The following CD74 variants were observed in gnomAD, a reference collection of about 807,000 sequenced individuals.
CD74 encodes the protein HLA class II histocompatibility antigen gamma chain.
In CD74, 20 loss-of-function variants were observed where a neutral mutation model predicts 37.1. That is an observed-to-expected ratio of 0.54 (90% CI 0.38 to 0.78). The LOEUF is 0.78. Among genes scored for constraint, CD74 ranks in the 30% least tolerant of loss-of-function variants. CD74 has a pLI of 0.00. For missense variants in CD74, 338 were observed against 389.5 expected (o/e 0.87, Z 1.11); for synonymous variants, 150 against 152.0 (o/e 0.99, Z 0.10).
intron 4 of CD74, 130 bp downstream of exon 4, chr5:150,406,129 C>T (rs976570510): frequency 1.3e-6 from 1 of 752,176 alleles, no homozygotes; most frequent in African/African-American, 1.7e-5. Context: ...AAGGGTCACC[C>T]TTGTATTCAG....
chr5:150,404,972 C>A (rs769518474), intron 5 of CD74, 113 bp downstream of exon 5: 49 of 1,067,614 alleles, frequency 4.6e-5, no homozygotes, highest in Non-Finnish European at 6.7e-5. Flanking sequence ...TGCTGGTAAA[C>A]CCCTTCAGCT....
rs1220573274 is a variant in CD74 at position 150,402,093 on chromosome 5, G to C, written c.*147C>G. On this transcript the variant is annotated 3_prime_UTR_variant, in exon 9 of 9. Transcript: ENST00000009530. This position sits in a 1 kb window ranked among gnomAD's most constrained non-coding sequence, Gnocchi z 4.2. ...CTGCTGTTCCGACTTGGTTTGTCTT[G>C]TCCAAGGGTGACGAAAGAGCCAGGC... The C allele has an allele frequency of 1.3e-6, 2 of 1,544,020 alleles. No homozygotes were observed. Among genetic ancestry groups the C allele is most frequent in the Non-Finnish European group, 1.7e-6 (2 of 1,146,588 alleles).
At position 150,407,078 on chromosome 5, in the gene CD74, G is replaced by T; in HGVS notation, c.298+74C>A. On this transcript the variant is annotated intron_variant, in intron 2 of 8. Transcript: ENST00000009530. This position sits in a 1 kb window ranked among gnomAD's most constrained non-coding sequence, Gnocchi z 4.4. ...AGGGAGAGGACAGTGGGCCCAGCTG[G>T]GTGCAGGGATGCGGGTCTCTGAGTT... 6.4e-7 allele frequency: 1 copy of T among 1,554,568 alleles called. No individual in the cohort carries two copies. The highest frequency in any genetic ancestry group is 1.1e-5 in the South Asian group (1 of 88,092).
Position 150,405,134 on chromosome 5 carries a change from G to A in CD74, c.488C>T (p.Pro163Leu), listed in dbSNP as rs747106881. 58 of 1,610,970 alleles carry A rather than the reference G, an allele frequency of 3.6e-5. 1 individual carries two copies. In the South Asian group the frequency reaches 4.7e-4, roughly 13 times the overall value. ...GTTCTTAAGGTGTCTCAGGTTCTCC[G>A]GGAAGCTCCCCTTCAGTGGCGGGTA... ...KVYPPLKGSF[P>L]ENLRHLKNTM... Residue 163 changes from proline (P) to leucine (L), a missense_variant, in exon 5 of 9, where the codon CCG becomes CTG. Physicochemically the swap from Pro to Leu is moderately conservative, Grantham distance 98 (BLOSUM62 -3). Coordinates refer to ENST00000009530, the MANE Select transcript of CD74 (RefSeq NM_001025159.3).
At chr5:150,404,942 C>T in intron 5 of CD74, 143 bp downstream of exon 5, 2 of 878,874 alleles carry the variant, frequency 2.3e-6, no homozygotes, top group Non-Finnish European at 3.6e-6. Context: ...ACATACTCTG[C>T]AGCATCCAGG....
At position 150,407,393 on chromosome 5, in the gene CD74, A is replaced by G; in HGVS notation, c.126-69T>C. The stretch of plus-strand genomic sequence containing the variant: ...GTGGCTGCCCCAAGGGCTGGCTAGG[A>G]ATGGGGAAATGTATACCCCCATCTC... On this transcript the variant is annotated intron_variant, in intron 1 of 8. Coordinates refer to ENST00000009530, the MANE Select transcript of CD74 (RefSeq NM_001025159.3). This position sits in a 1 kb window ranked among gnomAD's most constrained non-coding sequence, Gnocchi z 4.4. The G allele has an allele frequency of 7.6e-7, 1 of 1,322,298 alleles. No individual in the cohort carries two copies. The highest frequency in any genetic ancestry group is 1.0e-6 in the Non-Finnish European group (1 of 957,994). The allele number at this position is 1,322,298 out of a possible 1,614,324, so 81.9% of individuals were successfully genotyped here.
rs545391467 is a variant in CD74 at position 150,402,438 on chromosome 5, G to T, written c.880+125C>A. ...CCCCCAACCCTGTTCCTTCGTCTGTGAAATGGACATCCCAGGAATGTTGGA... is the reference window on the plus strand; with the variant it reads ...CCCCCAACCCTGTTCCTTCGTCTGTTAAATGGACATCCCAGGAATGTTGGA... On this transcript the variant is annotated intron_variant, in intron 8 of 8. Transcript: ENST00000009530. This position sits in a 1 kb window ranked among gnomAD's most constrained non-coding sequence, Gnocchi z 4.2. The T allele has an allele frequency of 1.0e-6, 1 of 967,472 alleles. No homozygotes were observed. Among genetic ancestry groups the T allele is most frequent in the South Asian group, 1.3e-5 (1 of 76,012 alleles). 59.9% of individuals were successfully genotyped at this position (967,472 alleles called of 1,614,324 possible).
chr5:150,403,047 A>C lies in CD74; in HGVS notation c.817+74T>G. The stretch of plus-strand genomic sequence containing the variant: ...TGGGTGTCCTGGTCCCATGTGCTTC[A>C]GAGGGGACCTCTTGCCCCTCAACCT... On this transcript the variant is annotated intron_variant, in intron 7 of 8. Transcript: ENST00000009530. The surrounding 1 kb of genome is among the most constrained non-coding windows in gnomAD (Gnocchi z 4.5). 1.5e-6 allele frequency: 2 copies of C among 1,332,554 alleles called. No homozygotes were observed. Among genetic ancestry groups the C allele is most frequent in the Non-Finnish European group, 2.1e-6 (2 of 959,650 alleles). 82.5% of individuals were successfully genotyped at this position (1,332,554 alleles called of 1,614,324 possible).
Position 150,407,308 on chromosome 5 carries a change from C to T in CD74, c.142G>A (p.Ala48Thr). 6.2e-7 allele frequency: 1 copy of T among 1,609,158 alleles called. No homozygotes were observed. Among genetic ancestry groups the T allele is most frequent in the Non-Finnish European group, 8.5e-7 (1 of 1,178,072 alleles). ...GAPESKCSRG[A>T]LYTGFSILVT... ...AGGATGGAAAAGCCTGTGTACAGGG[C>T]TCCGCGGCTGCACTTGCTGTGGGAG... Residue 48 changes from alanine (A) to threonine (T), a missense_variant, in exon 2 of 9, where the codon GCC (alanine) becomes ACC (threonine). Ala to Thr is a moderately conservative substitution (Grantham distance 58). Coordinates refer to ENST00000009530, the MANE Select transcript of CD74 (RefSeq NM_001025159.3). The surrounding 1 kb of genome is among the most constrained non-coding windows in gnomAD (Gnocchi z 4.4).
In CD74 at chr5:150,403,015, G is replaced by A. The variant is rs1769731204; in HGVS notation, c.817+106C>T. ...GACTACGTCACTGCCCCCAGGAGCT[G>A]CCATCCTGGGTGTCCTGGTCCCATG... On this transcript the variant is annotated intron_variant, in intron 7 of 8. Transcript: ENST00000009530. This position sits in a 1 kb window ranked among gnomAD's most constrained non-coding sequence, Gnocchi z 4.5. 6 of 922,636 alleles carry A rather than the reference G, an allele frequency of 6.5e-6. No homozygotes were observed. The highest frequency in any genetic ancestry group is 9.9e-6 in the Non-Finnish European group (6 of 605,694). 57.2% of individuals were successfully genotyped at this position (922,636 alleles called of 1,614,324 possible).
At position 150,403,624 on chromosome 5, in the gene CD74, C is replaced by T. The variant is rs1408275870; in HGVS notation, c.626-312G>A. Among the ~76,000 whole-genome samples the T allele has an allele frequency of 6.6e-6, 1 of 152,114 alleles. No individual in the cohort carries two copies. Among genetic ancestry groups the T allele is most frequent in the Non-Finnish European group, 1.5e-5 (1 of 68,024 alleles). ...CTGTAATCTTAGCACTTTGGGAGGC[C>T]GAGGTGGGCGGATCACTTGAGGTCA... On this transcript the variant is annotated intron_variant, in intron 6 of 8. Coordinates refer to ENST00000009530, the MANE Select transcript of CD74 (RefSeq NM_001025159.3). This position sits in a 1 kb window ranked among gnomAD's most constrained non-coding sequence, Gnocchi z 4.5.
Position 150,407,036 on chromosome 5 carries a change from C to A in CD74, c.299-76G>T. On this transcript the variant is annotated intron_variant, in intron 2 of 8. Coordinates refer to ENST00000009530, the MANE Select transcript of CD74 (RefSeq NM_001025159.3). This position sits in a 1 kb window ranked among gnomAD's most constrained non-coding sequence, Gnocchi z 4.4. ...GGTATCAGACCCAGATGAGGAAGGG[C>A]TGGAATTCCAAACCGGAGGGAGAGG... 1 of 1,534,964 alleles carries A rather than the reference C, an allele frequency of 6.5e-7. No homozygotes were observed. The highest frequency in any genetic ancestry group is 8.9e-7 in the Non-Finnish European group (1 of 1,123,112).
intron 1 of CD74, among the ~76,000 whole-genome samples, chr5:150,411,885 T>C (rs1199929179): frequency 6.6e-6 from 1 of 152,254 alleles, no homozygotes; most frequent in Non-Finnish European, 1.5e-5. Flanking sequence ...TGTGAAGAAC[T>C]GCTTCTACCA....
rs111993603 is a variant in CD74 at position 150,403,522 on chromosome 5, A to G, written c.626-210T>C. ...AAGGAAGTGAATGGCCATGTGTCCA[A>G]TTCACCTCAGAAGTTGATGGTTTCT... On this transcript the variant is annotated intron_variant, in intron 6 of 8. Transcript: ENST00000009530. The surrounding 1 kb of genome is among the most constrained non-coding windows in gnomAD (Gnocchi z 4.5). Among the ~76,000 whole-genome samples, 335 of 152,286 alleles carry G rather than the reference A, an allele frequency of 2.2e-3. 1 individual carries two copies. Among genetic ancestry groups the G allele is most frequent in the East Asian group, 0.014 (73 of 5,186 alleles).
chr5:150,404,297 G>C (rs1769814915), intron 6 of CD74, among the ~76,000 whole-genome samples: 1 of 152,192 alleles, frequency 6.6e-6, no homozygotes, highest in African/African-American at 2.4e-5. Context: ...CTGTGACCTT[G>C]GCGCCCTCAC....
intron 4 of CD74, 45 bp downstream of exon 4, chr5:150,406,213 TC>T (rs1301806348): frequency 6.7e-7 from 1 of 1,499,052 alleles, no homozygotes; most frequent in South Asian, 1.1e-5. Context: ...CCGGCCAGGG[TC>T]CTGGGTGGGC....
intron 1 of CD74, among the ~76,000 whole-genome samples, chr5:150,410,561 A>G (rs1050072783): frequency 6.6e-6 from 1 of 151,990 alleles, no homozygotes; most frequent in Non-Finnish European, 1.5e-5. Context: ...AGTTAAGTTT[A>G]GCATCTGCTT....
chr5:150,404,937 C>T, intron 5 of CD74, 148 bp downstream of exon 5: 1 of 863,108 alleles, frequency 1.2e-6, no homozygotes, highest in Non-Finnish European at 1.9e-6. Flanking sequence ...ACCCCACATA[C>T]TCTGCAGCAT....
Position 150,403,098 on chromosome 5 carries a change from A to G in CD74, c.817+23T>C. 6.2e-7 allele frequency: 1 copy of G among 1,601,258 alleles called. No homozygotes were observed. Among genetic ancestry groups the G allele is most frequent in the Non-Finnish European group, 8.5e-7 (1 of 1,172,602 alleles). On this transcript the variant is annotated intron_variant, in intron 7 of 8. Coordinates refer to ENST00000009530, the MANE Select transcript of CD74 (RefSeq NM_001025159.3). This position sits in a 1 kb window ranked among gnomAD's most constrained non-coding sequence, Gnocchi z 4.5. ...TCCTAGTCCTTCCTGGTCCTCTGAC[A>G]CTGGCACAGTGCCACTGCTTACCAC... is the stretch of plus-strand genomic sequence containing the variant.
Sources: allele counts gnomAD v4.1 joint callset (sites outside exome capture counted in the v4.1 genomes callset), GRCh38; gene constraint gnomAD v4.1.1; non-coding constraint Gnocchi (gnomAD v3.1); transcripts MANE v1.5; gene names NCBI Gene and HGNC (gene_info 2026-07-23, HGNC 2026-07-21).